The following UBP1 variants were observed in gnomAD, a reference collection of about 807,000 sequenced individuals.
The protein encoded by UBP1 is upstream binding protein 1.
A neutral mutation model predicts 76.1 loss-of-function variants in UBP1; 22 were observed. The ratio of observed to expected loss-of-function variants is 0.29; its 90% CI spans 0.21 to 0.41. The LOEUF (loss-of-function observed/expected upper bound fraction) is 0.41. Ranked by LOEUF, UBP1 falls within the 10% of genes least tolerant of loss-of-function variation. The probability of loss-of-function intolerance (pLI) is 1.00; values close to 1 mark genes in which losing one functional copy is unlikely to be tolerated. For synonymous variants in UBP1, 224 were observed against 237.1 expected (o/e 0.94, Z 0.51); for missense variants, 436 against 668.1 (o/e 0.65, Z 3.83).
intron 8 of UBP1, among the ~76,000 whole-genome samples, chr3:33,404,792 A>T (rs887971632): frequency 3.3e-5 from 5 of 152,232 alleles, no homozygotes; most frequent in African/African-American, 1.2e-4. Context: ...AGTAGATCAC[A>T]TAAAAATGTC....
rs1335182725 is a variant in UBP1, at chr3:33,439,887, G to A, written c.-39C>T. 1.9e-6 allele frequency: 3 copies of A among 1,605,874 alleles called. No homozygotes were observed. Among genetic ancestry groups the A allele is most frequent in the South Asian group, 2.2e-5 (2 of 90,196 alleles). Reference sequence around the variant, plus strand: ...CGTCGCCCCGCACACCGCGGCCTCCGCGTCCAGGGCGAAGGAGCCGGAGCT... The same window carrying A: ...CGTCGCCCCGCACACCGCGGCCTCCACGTCCAGGGCGAAGGAGCCGGAGCT... On this transcript the variant is annotated 5_prime_UTR_variant, in exon 1 of 16. Coordinates refer to ENST00000283629, the MANE Select transcript of UBP1 (RefSeq NM_014517.5).
At chr3:33,428,475 T>A (rs34116235) in intron 1 of UBP1, among the ~76,000 whole-genome samples, 2 of 58,304 alleles carry the variant, frequency 3.4e-5, no homozygotes, top group African/African-American at 2.1e-4. Context: ...ATGGCTTTTT[T>A]TAATAAATTG....
intron 8 of UBP1, among the ~76,000 whole-genome samples, chr3:33,404,603 C>T (rs566256748): frequency 2.0e-5 from 3 of 151,944 alleles, no homozygotes; most frequent in Non-Finnish European, 4.4e-5. Flanking sequence ...GCCATGACTA[C>T]ACCACTGCAC....
chr3:33,400,973 T>G lies in UBP1; in HGVS notation c.1075A>C (p.Thr359Pro), dbSNP rs756862799. Residue 359 changes from threonine (T) to proline (P), a missense_variant, in exon 10 of 16, where the codon ACC (threonine) becomes CCC (proline). Transcript: ENST00000283629. ...AGAAAGATACTTACTTCACCAGAGG[T>G]CTGTGAAGCTCCATCTCCCTGATGA... The part of the protein sequence containing the change: ...PNHQGDGASQ[T>P]SGEQIQPSAT... 6.3e-7 allele frequency: 1 copy of G among 1,595,176 alleles called. No individual in the cohort carries two copies. The highest frequency in any genetic ancestry group is 1.2e-5 in the South Asian group (1 of 86,772).
chr3:33,414,994 CTTAAT>C (rs998395847), intron 3 of UBP1, among the ~76,000 whole-genome samples: 71 of 152,170 alleles, frequency 4.7e-4, no homozygotes, highest in Middle Eastern at 6.8e-3. Context: ...TCATTTTTCC[CTTAAT>C]TTATTTGCTT....
intron 1 of UBP1, among the ~76,000 whole-genome samples, chr3:33,435,403 G>T (rs1239260776): frequency 6.6e-6 from 1 of 152,192 alleles, no homozygotes; most frequent in African/African-American, 2.4e-5. Flanking sequence ...TCAACCCATT[G>T]TAAGTTGAAA....
intron 2 of UBP1, among the ~76,000 whole-genome samples, chr3:33,424,306 T>C (rs1413351825): frequency 1.3e-5 from 2 of 152,242 alleles, no homozygotes; most frequent in African/African-American, 2.4e-5. Context: ...TAAAACCTTA[T>C]AGATTCTAAA....
chr3:33,412,821 T>C lies in UBP1; in HGVS notation c.349A>G (p.Ile117Val). Residue 117 changes from isoleucine to valine, a missense_variant, in exon 4 of 16, where the codon ATA (isoleucine) becomes GTA (valine). Coordinates refer to ENST00000283629, the MANE Select transcript of UBP1 (RefSeq NM_014517.5). ...CGTCTGTCATGGAATACAACCCTTATGATGCTCTGTGGAATAAGTGCGGAA... is the reference window on the plus strand; with the variant it reads ...CGTCTGTCATGGAATACAACCCTTACGATGCTCTGTGGAATAAGTGCGGAA... ...EINGKLVKSI[I>V]RVVFHDRRLQ... 1 of 1,611,640 alleles carries C rather than the reference T, an allele frequency of 6.2e-7. No homozygotes were observed. The highest frequency in any genetic ancestry group is 1.7e-4 in the Middle Eastern group (1 of 6,058).
At chr3:33,424,508 C>T (rs1422533638) in intron 2 of UBP1, among the ~76,000 whole-genome samples, 2 of 152,170 alleles carry the variant, frequency 1.3e-5, no homozygotes, top group Admixed American at 1.3e-4. Flanking sequence ...AATGTATATA[C>T]ATTCAAGAAA....
intron 3 of UBP1, 46 bp from the exon 4 acceptor site, chr3:33,412,873 T>G: frequency 8.0e-7 from 1 of 1,254,206 alleles, no homozygotes; most frequent in South Asian, 1.2e-5. Context: ...CTGCTCCAGC[T>G]AAAATGCAGG....
chr3:33,436,451 T>C (rs1485573657), intron 1 of UBP1, among the ~76,000 whole-genome samples: 2 of 152,244 alleles, frequency 1.3e-5, no homozygotes, highest in Non-Finnish European at 2.9e-5. Flanking sequence ...CATTTCAAAA[T>C]ACATAATGTA....
chr3:33,414,839 C>A (rs2044688907), intron 3 of UBP1, among the ~76,000 whole-genome samples: 1 of 152,024 alleles, frequency 6.6e-6, no homozygotes, highest in Non-Finnish European at 1.5e-5. Context: ...AATCAGTGGG[C>A]TAAATATTTA....
chr3:33,440,465 C>A, upstream of UBP1: 1 of 152,356 alleles, frequency 6.6e-6, no homozygotes, highest in South Asian at 2.0e-4. Flanking sequence ...CGGCCCTCCC[C>A]GTACAGCCCC....
upstream of UBP1, chr3:33,441,165 C>G (rs1242399783): frequency 6.6e-6 from 1 of 152,294 alleles, no homozygotes; most frequent in Non-Finnish European, 1.5e-5. Flanking sequence ...CCCGAAGGGT[C>G]TTCCTCAGCG....
chr3:33,391,002 T>A (rs2043742038), intron 15 of UBP1: 4 of 152,506 alleles, frequency 2.6e-5, no homozygotes, highest in Admixed American at 2.6e-4. Context: ...AAAACAAAAC[T>A]ATGCAATTAT....
Position 33,396,369 on chromosome 3 carries a change from A to G in UBP1, c.1272-89T>C, listed in dbSNP as rs1050021662. 4.8e-5 allele frequency: 47 copies of G among 970,400 alleles called. No individual in the cohort carries two copies. In the African/African-American group the frequency reaches 6.8e-4, roughly 14 times the overall value. The allele number at this position is 970,400 out of a possible 1,614,324, so 60.1% of individuals were successfully genotyped here. A position where few individuals can be genotyped will look rare whatever the true frequency, so the allele number is the denominator to read the frequency against. On this transcript the variant is annotated intron_variant, in intron 12 of 15. Coordinates refer to ENST00000283629, the MANE Select transcript of UBP1 (RefSeq NM_014517.5). ...TGACAACTACAGGAATCTAAGTTCTATTTCCTTATGAGAACTTTATAATGT... is the reference window on the plus strand; with the variant it reads ...TGACAACTACAGGAATCTAAGTTCTGTTTCCTTATGAGAACTTTATAATGT...
chr3:33,413,378 T>A (rs2044641183), intron 3 of UBP1, among the ~76,000 whole-genome samples: 1 of 151,190 alleles, frequency 6.6e-6, no homozygotes, highest in Admixed American at 6.6e-5. Context: ...AAACCCCATC[T>A]CTACAAAAAA....
At chr3:33,396,907 G>A in intron 12 of UBP1, 138 bp downstream of exon 12, 1 of 804,646 alleles carries the variant, frequency 1.2e-6, no homozygotes, top group Non-Finnish European at 2.1e-6. Flanking sequence ...CAGTCTTCTT[G>A]TGAGCACAAT....
At position 33,420,680 on chromosome 3, in the gene UBP1, G is replaced by A. The variant is rs2044867045; in HGVS notation, c.266-3846C>T. On this transcript the variant is annotated intron_variant, in intron 2 of 15. Transcript: ENST00000283629. ...ATTTTTGTATTTTTAGTGGAGACAG[G>A]GTTTCACCATGTTGGCTAGGATGAT... Among the ~76,000 whole-genome samples the A allele has an allele frequency of 2.6e-5, 4 of 152,242 alleles. No individual in the cohort carries two copies. The South Asian group carries it at 8.3e-4, about 32-fold the overall frequency.
Sources: gnomAD v4.1 joint callset for allele counts (sites outside exome capture counted in the v4.1 genomes callset) on GRCh38, gnomAD v4.1.1 for gene constraint, MANE v1.5 for transcripts, NCBI Gene and HGNC (gene_info 2026-07-23, HGNC 2026-07-21) for gene names.